Variants in ZMAT3 observed in about 807,000 individuals in gnomAD.
ZMAT3 encodes the protein zinc finger matrin-type 3.
A neutral mutation model predicts 32.3 loss-of-function variants in ZMAT3; 17 were observed. The ratio of observed to expected loss-of-function variants is 0.53; its 90% confidence interval spans 0.36 to 0.79. ZMAT3 has a LOEUF of 0.79. Ranked by LOEUF, ZMAT3 falls within the 30% of genes least tolerant of loss-of-function variation. The pLI, the probability that ZMAT3 is intolerant of heterozygous loss-of-function variation, is 0.00. For missense variants in ZMAT3, 329 were observed against 359.7 expected (o/e 0.91, Z 0.69); for synonymous variants, 120 against 133.1 (o/e 0.90, Z 0.68).
chr3:179,037,545 C>T (rs988781304), intron 2 of ZMAT3, among the ~76,000 whole-genome samples: 3 of 152,108 alleles, frequency 2.0e-5, no homozygotes, highest in South Asian at 2.1e-4. Context: ...GGAGTGAGCT[C>T]GGTGGAATGA....
chr3:179,039,451 G>A (rs2108553928), intron 2 of ZMAT3, among the ~76,000 whole-genome samples: 1 of 152,346 alleles, frequency 6.6e-6, no homozygotes, highest in East Asian at 1.9e-4. Context: ...CGGGTCTGGA[G>A]TGGACCTCCA....
chr3:179,067,765 C>T lies in ZMAT3; in HGVS notation c.-13G>A. 6.2e-7 allele frequency: 1 copy of T among 1,612,780 alleles called. No individual in the cohort carries two copies. The highest frequency in any genetic ancestry group is 8.5e-7 in the Non-Finnish European group (1 of 1,179,254). On this transcript the variant is annotated 5_prime_UTR_variant, in exon 2 of 6. Coordinates refer to ENST00000311417, the MANE Select transcript of ZMAT3 (RefSeq NM_022470.4). ...GCAAGAGGATCATTGGGTAGGGAAG[C>T]CTGGGGCATAATCCAGTGGGTGATG...
chr3:179,055,706 C>T (rs1720805807), intron 2 of ZMAT3, among the ~76,000 whole-genome samples: 1 of 152,168 alleles, frequency 6.6e-6, no homozygotes, highest in Non-Finnish European at 1.5e-5. Flanking sequence ...TCAGATAACC[C>T]TGACGGCTAT....
In ZMAT3 at chr3:179,021,908, G is replaced by C. The variant is rs185816147; in HGVS notation, c.*3109C>G. On this transcript the variant is annotated 3_prime_UTR_variant, in exon 6 of 6. Coordinates refer to ENST00000311417, the MANE Select transcript of ZMAT3 (RefSeq NM_022470.4). Reference sequence around the variant, plus strand: ...TAACAAGCTCAAAACATAACCTACTGTCATAGAGATTTGTGATTTTTTTTC... The same window carrying C: ...TAACAAGCTCAAAACATAACCTACTCTCATAGAGATTTGTGATTTTTTTTC... 5 of 152,236 alleles carry C rather than the reference G, an allele frequency of 3.3e-5. No individual in the cohort carries two copies. Among genetic ancestry groups the C allele is most frequent in the African/African-American group, 9.6e-5 (4 of 41,536 alleles). The allele number at this position is 152,236 out of a possible 1,614,324, so 9.4% of individuals were successfully genotyped here.
At position 179,023,706 on chromosome 3, in the gene ZMAT3, A is replaced by ATTTTT. The variant is rs1718679399; in HGVS notation, c.*1310_*1311insAAAAA. 1 of 13,208 alleles carries ATTTTT rather than the reference A, an allele frequency of 7.6e-5. No homozygotes were observed. The highest frequency in any genetic ancestry group is 1.2e-4 in the Non-Finnish European group (1 of 8,658). The allele number at this position is 13,208 out of a possible 1,614,324, so 0.8% of individuals were successfully genotyped here. On this transcript the variant is annotated 3_prime_UTR_variant, in exon 6 of 6. Transcript: ENST00000311417. ...TGCTGGAAAATATATCTATATATAT[A>ATTTTT]TATATTTTTTTTTTTTTTTTTTTTT...
chr3:179,025,420 G>A (rs1453327533), intron 5 of ZMAT3, among the ~76,000 whole-genome samples, 192 bp from the exon 6 acceptor site: 1 of 152,156 alleles, frequency 6.6e-6, no homozygotes, highest in African/African-American at 2.4e-5. Flanking sequence ...AAGATAAAAT[G>A]ATTCCTCCAA....
At chr3:179,047,374 T>TCTTC (rs1720297464) in intron 2 of ZMAT3, among the ~76,000 whole-genome samples, 1 of 152,218 alleles carries the variant, frequency 6.6e-6, no homozygotes, top group Non-Finnish European at 1.5e-5. Flanking sequence ...GAGTCCCAGA[T>TCTTC]CTTCCCTCTG....
intron 2 of ZMAT3, among the ~76,000 whole-genome samples, chr3:179,044,119 T>C (rs1720099496): frequency 1.3e-5 from 2 of 152,228 alleles, no homozygotes; most frequent in African/African-American, 4.8e-5. Flanking sequence ...TTTACACTGT[T>C]GGTGGGAGTG....
intron 2 of ZMAT3, among the ~76,000 whole-genome samples, chr3:179,049,302 C>T (rs1354390492): frequency 2.0e-5 from 3 of 152,136 alleles, no homozygotes; most frequent in Non-Finnish European, 2.9e-5. Context: ...ATAAACTATA[C>T]GTTACAATAA....
chr3:179,038,730 C>T (rs2108552769), intron 2 of ZMAT3, among the ~76,000 whole-genome samples: 1 of 152,300 alleles, frequency 6.6e-6, no homozygotes, highest in African/African-American at 2.4e-5. Context: ...GTGCAGCCCA[C>T]AGAGGACGAA....
rs2108536727 is a variant in ZMAT3, at chr3:179,027,789, G to T, written c.414C>A (p.Gly138=). Residue 138 remains glycine, a synonymous_variant, in exon 4 of 6, where the codon GGC becomes GGA. Transcript: ENST00000311417. ...CATTCTCCGTGGCCAGGATCACTCG[G>T]CCTCCTGGCTTAAAGGAGCCCATCT... ...PPQMGSFKPG[G]RVILATENDY... is the part of the protein sequence containing the mutation. 6.2e-7 allele frequency: 1 copy of T among 1,612,424 alleles called. No homozygotes were observed. The highest frequency in any genetic ancestry group is 8.5e-7 in the Non-Finnish European group (1 of 1,179,672).
intron 2 of ZMAT3, among the ~76,000 whole-genome samples, chr3:179,047,395 C>T (rs998167438): frequency 6.6e-6 from 1 of 152,216 alleles, no homozygotes; most frequent in Non-Finnish European, 1.5e-5. Flanking sequence ...ACATAGTCTA[C>T]CCAAATGAGG....
At chr3:179,072,181 G>A (rs1371893233), upstream of ZMAT3, 3 of 152,472 alleles carry the variant, frequency 2.0e-5, no homozygotes, top group African/African-American at 7.2e-5. Context: ...TCCTCCCTTA[G>A]CCTGCTGGTT....
chr3:179,067,740 G>GC lies in ZMAT3; in HGVS notation c.12dup (p.Gln5AlafsTer9). ...TTAGGTGGAGGAAGCACGGCGTGTTGCAAGAGGATCATTGGGTAGGGAAGC... is the reference window on the plus strand; with the variant it reads ...TTAGGTGGAGGAAGCACGGCGTGTTGCCAAGAGGATCATTGGGTAGGGAAGC... On this transcript the variant is annotated frameshift_variant, in exon 2 of 6. Coordinates refer to ENST00000311417, the MANE Select transcript of ZMAT3 (RefSeq NM_022470.4). LOFTEE classifies it high-confidence loss of function. 6.2e-7 allele frequency: 1 copy of GC among 1,614,072 alleles called. No individual in the cohort carries two copies. The highest frequency in any genetic ancestry group is 8.5e-7 in the Non-Finnish European group (1 of 1,179,998).
At chr3:179,060,077 TACC>T (rs1338084393) in intron 2 of ZMAT3, among the ~76,000 whole-genome samples, 1 of 152,130 alleles carries the variant, frequency 6.6e-6, no homozygotes, top group Non-Finnish European at 1.5e-5. Context: ...CAGCAACAGC[TACC>T]CTCTTTGGGT....
intron 2 of ZMAT3, among the ~76,000 whole-genome samples, chr3:179,036,325 T>C (rs906662893): frequency 3.9e-5 from 6 of 152,138 alleles, no homozygotes; most frequent in Non-Finnish European, 5.9e-5. Context: ...TATGTTATCA[T>C]AGAAGCCCAC....
intron 4 of ZMAT3, 61 bp from the exon 5 acceptor site, chr3:179,027,584 T>C: frequency 6.2e-7 from 1 of 1,613,918 alleles, no homozygotes; most frequent in East Asian, 2.2e-5. Context: ...TTCTACTCTT[T>C]TTCTTTAAAG....
intron 3 of ZMAT3, among the ~76,000 whole-genome samples, chr3:179,029,524 C>T (rs1719066914): frequency 6.6e-6 from 1 of 152,050 alleles, no homozygotes; most frequent in Admixed American, 6.6e-5. Flanking sequence ...AATGCAGTGG[C>T]ACAATCTTGG....
chr3:179,063,684 G>A (rs1325597008), intron 2 of ZMAT3, among the ~76,000 whole-genome samples: 3 of 152,172 alleles, frequency 2.0e-5, no homozygotes, highest in Admixed American at 2.0e-4. Context: ...TTATGCTGAT[G>A]AAACAGTGGT....
Sources: gnomAD v4.1 joint callset for allele counts (sites outside exome capture counted in the v4.1 genomes callset) on GRCh38, gnomAD v4.1.1 for gene constraint, MANE v1.5 for transcripts, NCBI Gene and HGNC (gene_info 2026-07-23, HGNC 2026-07-21) for gene names.